Variants in EHMT1 observed in about 807,000 individuals in gnomAD.
EHMT1 encodes the protein histone-lysine N-methyltransferase EHMT1.
A neutral mutation model predicts 147.2 loss-of-function variants in EHMT1; 15 were observed. The ratio of observed to expected loss-of-function variants is 0.10; its 90% CI spans 0.07 to 0.16. The LOEUF (loss-of-function observed/expected upper bound fraction) is 0.16. EHMT1 is among the 10% of genes least tolerant of loss of function. The pLI is 1.00. For missense variants in EHMT1, 1,587 were observed against 1,772.4 expected (o/e 0.90, Z 1.88); for synonymous variants, 795 against 709.6 (o/e 1.12, Z -1.91).
chr9:137,628,115 G>A (rs1040432740), intron 1 of EHMT1, among the ~76,000 whole-genome samples: 7 of 152,182 alleles, frequency 4.6e-5, no homozygotes, highest in Non-Finnish European at 7.3e-5. Context: ...GTTCTCAGGT[G>A]GAGTTTTGCC....
chr9:137,619,470 C>T (rs1222481091), intron 1 of EHMT1, among the ~76,000 whole-genome samples: 2 of 152,048 alleles, frequency 1.3e-5, no homozygotes, highest in Non-Finnish European at 2.9e-5. Flanking sequence ...AACTTTGGAG[C>T]GCCGGCCGAG....
chr9:137,695,396 T>A (rs1943319065), intron 1 of EHMT1, among the ~76,000 whole-genome samples: 1 of 152,162 alleles, frequency 6.6e-6, no homozygotes, highest in Non-Finnish European at 1.5e-5. Context: ...TGACCCCTGC[T>A]GGCGAGGGGA....
intron 22 of EHMT1, chr9:137,815,584 G>A (rs1211724254): frequency 2.8e-6 from 1 of 359,976 alleles, no homozygotes; most frequent in Admixed American, 3.8e-5. Flanking sequence ...AGTGCAGGAG[G>A]GTGCAGGAGG....
chr9:137,832,399 C>T (rs1956267065), intron 25 of EHMT1, among the ~76,000 whole-genome samples: 1 of 151,430 alleles, frequency 6.6e-6, no homozygotes, highest in East Asian at 2.0e-4. Flanking sequence ...CCTCCACAGG[C>T]CCCGCCTCCC....
chr9:137,622,809 A>C (rs750099674), intron 1 of EHMT1, among the ~76,000 whole-genome samples: 15 of 148,062 alleles, frequency 1.0e-4, no homozygotes, highest in Admixed American at 5.5e-4. Context: ...TGAGGGGCTG[A>C]GGTGGGAGGA....
chr9:137,680,697 C>T (rs1162655842), intron 1 of EHMT1, among the ~76,000 whole-genome samples: 2 of 152,212 alleles, frequency 1.3e-5, no homozygotes, highest in Non-Finnish European at 2.9e-5. Flanking sequence ...TGCAGTCTTC[C>T]AGAGAGGCCT....
At chr9:137,635,508 C>T (rs1195396178) in intron 1 of EHMT1, among the ~76,000 whole-genome samples, 3 of 151,636 alleles carry the variant, frequency 2.0e-5, no homozygotes, top group Non-Finnish European at 4.4e-5. Context: ...AACCACTGCG[C>T]TCGGCCTTCA....
chr9:137,833,372 C>T (rs1226520083), intron 25 of EHMT1, among the ~76,000 whole-genome samples: 2 of 152,374 alleles, frequency 1.3e-5, no homozygotes, highest in East Asian at 3.9e-4. Flanking sequence ...ACCCACTCGG[C>T]CCAGTGTGCG....
intron 1 of EHMT1, among the ~76,000 whole-genome samples, chr9:137,651,800 GAA>G (rs1164592692): frequency 6.6e-6 from 1 of 150,528 alleles, no homozygotes; most frequent in Non-Finnish European, 1.5e-5. Context: ...CTCAAGAAAA[GAA>G]AAAAAAAGAT....
intron 16 of EHMT1, among the ~76,000 whole-genome samples, chr9:137,798,358 C>T (rs1953138626): frequency 6.6e-6 from 1 of 151,852 alleles, no homozygotes; most frequent in Non-Finnish European, 1.5e-5. Flanking sequence ...GCTGTGATCG[C>T]ACCACTGCAC....
At chr9:137,635,927 T>A (rs1844034338) in intron 1 of EHMT1, among the ~76,000 whole-genome samples, 1 of 150,250 alleles carries the variant, frequency 6.7e-6, no homozygotes, top group African/African-American at 2.5e-5. Flanking sequence ...TAAAAAAAAT[T>A]TTTTTTTTTT....
intron 1 of EHMT1, among the ~76,000 whole-genome samples, chr9:137,683,204 C>G (rs753479486): frequency 1.8e-4 from 27 of 152,272 alleles, no homozygotes; most frequent in Middle Eastern, 3.4e-3. Context: ...AGCTCAGAGA[C>G]AGAATATATT....
chr9:137,744,172 C>T, intron 6 of EHMT1, 82 bp downstream of exon 6: 2 of 1,448,494 alleles, frequency 1.4e-6, no homozygotes, highest in Non-Finnish European at 9.6e-7. Flanking sequence ...ACAGTCTGGT[C>T]ACTTCTAGAC....
At chr9:137,755,478 G>C (rs1171187501) in intron 8 of EHMT1, among the ~76,000 whole-genome samples, 1 of 152,164 alleles carries the variant, frequency 6.6e-6, no homozygotes, top group Non-Finnish European at 1.5e-5. Context: ...CCATTCATCC[G>C]TCCATGGGCT....
chr9:137,786,599 G>A lies in EHMT1; in HGVS notation c.2382+4202G>A, dbSNP rs1344382050. 4 of 148,804 alleles carry A rather than the reference G, an allele frequency of 2.7e-5. No individual in the cohort carries two copies. Among genetic ancestry groups the A allele is most frequent in the African/African-American group, 5.7e-5 (2 of 35,150 alleles). 9.2% of individuals were successfully genotyped at this position (148,804 alleles called of 1,614,324 possible). On this transcript the variant is annotated intron_variant, in intron 15 of 26. Coordinates refer to ENST00000460843, the MANE Select transcript of EHMT1 (RefSeq NM_024757.5). The surrounding 1 kb of genome is among the most constrained non-coding windows in gnomAD (Gnocchi z 4.3). ...TTGGTCGTGTGGAGTCATCTCTCCC[G>A]GGCTCTGGTCTTGGTTGTGTGGAGT... is the stretch of plus-strand genomic sequence containing the variant.
At chr9:137,675,899 T>C (rs1270265975) in intron 1 of EHMT1, among the ~76,000 whole-genome samples, 1 of 144,982 alleles carries the variant, frequency 6.9e-6, no homozygotes, top group Non-Finnish European at 1.5e-5. Flanking sequence ...TTCTCCCGCC[T>C]CAGCCTCCCA....
intron 10 of EHMT1, among the ~76,000 whole-genome samples, chr9:137,772,157 T>C (rs1230268092): frequency 3.9e-5 from 6 of 152,292 alleles, no homozygotes; most frequent in South Asian, 2.1e-4. Context: ...TATGGAGTTA[T>C]TTATGGCTAA....
chr9:137,774,536 G>A lies in EHMT1; in HGVS notation c.1648-573G>A, dbSNP rs1203561689. 3.5e-5 allele frequency among the ~76,000 whole-genome samples: 4 copies of A among 115,386 alleles called. No individual in the cohort carries two copies. The East Asian group carries it at 7.9e-4, about 23-fold the overall frequency. 75.7% of individuals were successfully genotyped at this position (115,386 alleles called of 152,430 possible). A position where few individuals can be genotyped will look rare whatever the true frequency, so the allele number is the denominator to read the frequency against. ...CCCTGGATCTGGTGGATGTGGTCGC[G>A]TCTGGCCCCCTGGATCTGGTGGGTG... is the stretch of plus-strand genomic sequence containing the variant. On this transcript the variant is annotated intron_variant, in intron 10 of 26. Transcript: ENST00000460843.
chr9:137,715,646 C>CA, intron 2 of EHMT1: 2 of 985,472 alleles, frequency 2.0e-6, no homozygotes, highest in Non-Finnish European at 2.4e-6. Flanking sequence ...GTGTGTGTGT[C>CA]AATCTCGTGA....
Sources: gnomAD v4.1 joint callset for allele counts (sites outside exome capture counted in the v4.1 genomes callset) on GRCh38, gnomAD v4.1.1 for gene constraint, Gnocchi (gnomAD v3.1) non-coding constraint, MANE v1.5 for transcripts, NCBI Gene and HGNC (gene_info 2026-07-23, HGNC 2026-07-21) for gene names.